Variants in GGA1 observed in about 807,000 individuals in gnomAD.
The protein encoded by GGA1 is ADP-ribosylation factor-binding protein GGA1.
A neutral mutation model predicts 76.9 loss-of-function variants in GGA1; 18 were observed. The observed-to-expected ratio is 0.23, with a 90% CI of 0.16 to 0.35. The LOEUF (loss-of-function observed/expected upper bound fraction) is 0.35, where lower values mean the gene tolerates loss of function less well. Ranked by LOEUF, GGA1 falls within the 10% of genes least tolerant of loss-of-function variation. The pLI is 1.00. For synonymous variants in GGA1, 342 were observed against 354.7 expected (o/e 0.96, Z 0.40); for missense variants, 755 against 859.0 (o/e 0.88, Z 1.51).
intron 11 of GGA1, among the ~76,000 whole-genome samples, chr22:37,628,982 T>G (rs1931316805): frequency 6.6e-6 from 1 of 152,178 alleles, no homozygotes. Flanking sequence ...TCGCCTCCAG[T>G]CCAGCCCTGT....
chr22:37,632,382 C>T lies in GGA1; in HGVS notation c.1699-23C>T. ...GGACAAGCAGCCAGGGCTAGCTGTG[C>T]CCATCCTGCCATCTGCCCACAGGTT... On this transcript the variant is annotated intron_variant, in intron 15 of 16. Coordinates refer to ENST00000343632, the MANE Select transcript of GGA1 (RefSeq NM_013365.5). The surrounding 1 kb of genome is among the most constrained non-coding windows in gnomAD (Gnocchi z 5.1). The T allele has an allele frequency of 6.6e-7, 1 of 1,520,596 alleles. No individual in the cohort carries two copies. Among genetic ancestry groups the T allele is most frequent in the Admixed American group, 1.7e-5 (1 of 59,902 alleles). 94.2% of individuals were successfully genotyped at this position (1,520,596 alleles called of 1,614,324 possible).
At chr22:37,614,337 A>C (rs1007658352) in intron 2 of GGA1, 63 bp downstream of exon 2, 4 of 1,178,000 alleles carry the variant, frequency 3.4e-6, no homozygotes, top group Non-Finnish European at 5.1e-6. Flanking sequence ...TCTCGGGTAC[A>C]ATGGCCTGGG....
In GGA1 at chr22:37,623,241, C is replaced by G. The variant is rs763376755; in HGVS notation, c.610-86C>G. ...CAGTCACCCAGCTGTCAACCCAGATCCCAGCACACATTCTCTCAAGTGGCA... is the reference window on the plus strand; with the variant it reads ...CAGTCACCCAGCTGTCAACCCAGATGCCAGCACACATTCTCTCAAGTGGCA... On this transcript the variant is annotated intron_variant, in intron 7 of 16. Coordinates refer to ENST00000343632, the MANE Select transcript of GGA1 (RefSeq NM_013365.5). This position sits in a 1 kb window ranked among gnomAD's most constrained non-coding sequence, Gnocchi z 4.6. The G allele has an allele frequency of 5.4e-6, 7 of 1,297,212 alleles. No homozygotes were observed. Among genetic ancestry groups the G allele is most frequent in the Non-Finnish European group, 7.8e-6 (7 of 896,028 alleles). 80.4% of individuals were successfully genotyped at this position (1,297,212 alleles called of 1,614,324 possible). A position where few individuals can be genotyped will look rare whatever the true frequency, so the allele number is the denominator to read the frequency against.
At chr22:37,616,465 G>A (rs1928813851) in intron 2 of GGA1, among the ~76,000 whole-genome samples, 1 of 152,180 alleles carries the variant, frequency 6.6e-6, no homozygotes, top group Non-Finnish European at 1.5e-5. Context: ...TCTGTTAGAT[G>A]ATGTCACCAC....
At position 37,632,506 on chromosome 22, in the gene GGA1, C is replaced by T. The variant is rs1932002693; in HGVS notation, c.1800C>T (p.Asn600=). The T allele has an allele frequency of 2.5e-6, 4 of 1,611,578 alleles. No homozygotes were observed. The highest frequency in any genetic ancestry group is 1.1e-5 in the South Asian group (1 of 91,022). ...SAITQVLLLA[N]PQKEKVRLRY... ...TCACCCAGGTCCTGCTGCTTGCCAA[C>T]CCCCAGAAGGTAAGGGGCCCCCAGG... Residue 600 remains asparagine (N), a synonymous_variant, in exon 16 of 17, where the codon AAC becomes AAT. Transcript: ENST00000343632. The surrounding 1 kb of genome is among the most constrained non-coding windows in gnomAD (Gnocchi z 5.1).
intron 11 of GGA1, among the ~76,000 whole-genome samples, chr22:37,627,973 T>G (rs1931142980): frequency 6.6e-6 from 1 of 152,200 alleles, no homozygotes; most frequent in South Asian, 2.1e-4. Flanking sequence ...ACTACAGGTG[T>G]GTGCCACCAC....
At position 37,633,426 on chromosome 22, in the gene GGA1, T is replaced by A. The variant is rs1254471579; in HGVS notation, c.*715T>A. 6.6e-6 allele frequency: 1 copy of A among 151,744 alleles called. No individual in the cohort carries two copies. Among genetic ancestry groups the A allele is most frequent in the East Asian group, 1.9e-4 (1 of 5,148 alleles). 9.4% of individuals were successfully genotyped at this position (151,744 alleles called of 1,614,324 possible). On this transcript the variant is annotated 3_prime_UTR_variant, in exon 17 of 17. Coordinates refer to ENST00000343632, the MANE Select transcript of GGA1 (RefSeq NM_013365.5). ...GGGCACCTAGAGTTCTCGGTGTGTC[T>A]CCTTCATTCATTGGCCTCTGCTGGG...
intron 5 of GGA1, 23 bp downstream of exon 5, chr22:37,620,384 G>A: frequency 6.2e-7 from 1 of 1,613,244 alleles, no homozygotes; most frequent in Middle Eastern, 1.7e-4. Context: ...GAGGGTGGGG[G>A]GCGACCAGGG....
chr22:37,620,560 C>T lies in GGA1; in HGVS notation c.427+199C>T, dbSNP rs112019311. ...AGCTTGGGTGGAAAGAAGGTGAGTT[C>T]GAATCAAGCTTCCCCTCAAAGAGTG... On this transcript the variant is annotated intron_variant, in intron 5 of 16. Transcript: ENST00000343632. Among the ~76,000 whole-genome samples the T allele has an allele frequency of 2.3e-3, 357 of 152,280 alleles. 2 individuals carry two copies. The highest frequency in any genetic ancestry group is 3.6e-3 in the Non-Finnish European group (242 of 68,014).
Position 37,608,853 on chromosome 22 carries a change from G to A in GGA1, c.-8G>A. On this transcript the variant is annotated 5_prime_UTR_variant, in exon 1 of 17. Coordinates refer to ENST00000343632, the MANE Select transcript of GGA1 (RefSeq NM_013365.5). The stretch of plus-strand genomic sequence containing the variant: ...GGGGGCGGTGCCGAGGCTGGGGGCC[G>A]GTGGCGGATGGAGCCCGCGATGGAG... The A allele has an allele frequency of 7.6e-7, 1 of 1,307,222 alleles. No homozygotes were observed. Among genetic ancestry groups the A allele is most frequent in the Non-Finnish European group, 9.7e-7 (1 of 1,029,364 alleles). The allele number at this position is 1,307,222 out of a possible 1,614,324, so 81.0% of individuals were successfully genotyped here.
At position 37,623,886 on chromosome 22, in the gene GGA1, C is replaced by T; in HGVS notation, c.832+253C>T. 2.1e-6 allele frequency: 1 copy of T among 481,510 alleles called. No homozygotes were observed. The highest frequency in any genetic ancestry group is 3.8e-6 in the Non-Finnish European group (1 of 262,374). 29.8% of individuals were successfully genotyped at this position (481,510 alleles called of 1,614,324 possible). ...TACCCGCAGCTGCACAGGAGGCAGA[C>T]CCATCCCCTTTTCACAACTGGGGCT... On this transcript the variant is annotated intron_variant, in intron 9 of 16. Transcript: ENST00000343632. This position sits in a 1 kb window ranked among gnomAD's most constrained non-coding sequence, Gnocchi z 4.6.
At chr22:37,621,012 G>A in intron 6 of GGA1, 99 bp downstream of exon 6, 1 of 771,042 alleles carries the variant, frequency 1.3e-6, no homozygotes. Flanking sequence ...TGGAACAGAG[G>A]CACACACTGA....
At chr22:37,615,969 C>T (rs1354443470) in intron 2 of GGA1, among the ~76,000 whole-genome samples, 4 of 151,712 alleles carry the variant, frequency 2.6e-5, no homozygotes, top group Non-Finnish European at 4.4e-5. Context: ...GCCTCCCCAG[C>T]AGCTGGGACT....
intron 3 of GGA1, chr22:37,617,573 C>T (rs1211735943): frequency 3.1e-6 from 3 of 973,890 alleles, no homozygotes; most frequent in East Asian, 1.1e-4. Context: ...GTGGCTTATA[C>T]CTGTAATTTC....
Position 37,633,469 on chromosome 22 carries a change from T to TAGG in GGA1, c.*759_*760insGGA, listed in dbSNP as rs1267734254. On this transcript the variant is annotated 3_prime_UTR_variant, in exon 17 of 17. Coordinates refer to ENST00000343632, the MANE Select transcript of GGA1 (RefSeq NM_013365.5). ...CTGCTGGGGCCTCCTATGGGTGTCT[T>TAGG]ACGTCTGTCCATCCATCTGTCCGTG... The TAGG allele has an allele frequency of 2.0e-5, 3 of 152,112 alleles. No homozygotes were observed. The highest frequency in any genetic ancestry group is 7.2e-5 in the African/African-American group (3 of 41,404). The allele number at this position is 152,112 out of a possible 1,614,324, so 9.4% of individuals were successfully genotyped here.
In GGA1 at chr22:37,620,301, A is replaced by G; in HGVS notation, c.367A>G (p.Thr123Ala). ...NKILELLYSW[T>A]VGLPEEVKIA... ...GATCTTGGAGCTCCTCTACAGCTGG[A>G]CAGTGGGCCTGCCCGAGGAGGTGAA... Residue 123 changes from threonine (T) to alanine (A), a missense_variant, in exon 5 of 17, where the codon ACA (threonine) becomes GCA (alanine). Thr to Ala is a moderately conservative substitution (Grantham distance 58, BLOSUM62 0). Coordinates refer to ENST00000343632, the MANE Select transcript of GGA1 (RefSeq NM_013365.5). 2 of 1,613,962 alleles carry G rather than the reference A, an allele frequency of 1.2e-6. No individual in the cohort carries two copies. The highest frequency in any genetic ancestry group is 1.7e-6 in the Non-Finnish European group (2 of 1,179,908).
At chr22:37,617,796 A>G in intron 3 of GGA1, 1 of 961,310 alleles carries the variant, frequency 1.0e-6, no homozygotes, top group Non-Finnish European at 1.2e-6. Context: ...GATAAGGCCA[A>G]GGTAGGTGTT....
chr22:37,608,983 G>A, intron 1 of GGA1, 80 bp downstream of exon 1: 1 of 1,339,810 alleles, frequency 7.5e-7, no homozygotes, highest in Non-Finnish European at 9.6e-7. Context: ...GCGGGGGCGG[G>A]GTACGGGTCG....
chr22:37,613,413 G>A (rs376788887), intron 1 of GGA1, among the ~76,000 whole-genome samples: 6 of 150,800 alleles, frequency 4.0e-5, no homozygotes, highest in African/African-American at 1.5e-4. Context: ...TGTTTGAGAC[G>A]GAGTCACCCA....
Sources: allele counts gnomAD v4.1 joint callset (sites outside exome capture counted in the v4.1 genomes callset), GRCh38; gene constraint gnomAD v4.1.1; non-coding constraint Gnocchi (gnomAD v3.1); transcripts MANE v1.5; gene names NCBI Gene and HGNC (gene_info 2026-07-23, HGNC 2026-07-21).